TNFRSF21: variants seen among roughly 807,000 people sequenced by gnomAD.
TNFRSF21 encodes the protein TNF receptor superfamily member 21.
In TNFRSF21, 19 loss-of-function variants were observed where a neutral mutation model predicts 45.6. That is an observed-to-expected ratio of 0.42 (90% CI 0.29 to 0.61). The LOEUF (loss-of-function observed/expected upper bound fraction) is 0.61. Ranked by LOEUF, TNFRSF21 falls within the 20% of genes least tolerant of loss-of-function variation. TNFRSF21 has a pLI of 0.23. For synonymous variants in TNFRSF21, 314 were observed against 335.5 expected (o/e 0.94, Z 0.70); for missense variants, 737 against 851.5 (o/e 0.87, Z 1.67).
At chr6:47,286,971 C>T (rs1271084320) in intron 1 of TNFRSF21, among the ~76,000 whole-genome samples, 2 of 152,134 alleles carry the variant, frequency 1.3e-5, no homozygotes, top group Non-Finnish European at 2.9e-5. Flanking sequence ...TGGCTGGGCG[C>T]ACTGGCTCAC....
At chr6:47,271,239 A>G (rs532762010) in intron 3 of TNFRSF21, among the ~76,000 whole-genome samples, 200 of 152,334 alleles carry the variant, frequency 1.3e-3, no homozygotes, top group African/African-American at 4.6e-3. Context: ...GAAATAAAGG[A>G]AAAAGTGTTA....
intron 4 of TNFRSF21, among the ~76,000 whole-genome samples, chr6:47,235,494 A>C (rs1172835917): frequency 6.6e-6 from 1 of 152,234 alleles, no homozygotes. Flanking sequence ...AGACCTCAGA[A>C]GACACCTTGG....
rs1190093171 is a variant in TNFRSF21, at chr6:47,284,409, A to G, written c.772T>C (p.Ser258Pro). 1 of 1,521,234 alleles carries G rather than the reference A, an allele frequency of 6.6e-7. No individual in the cohort carries two copies. The highest frequency in any genetic ancestry group is 8.8e-7 in the Non-Finnish European group (1 of 1,136,700). The allele number at this position is 1,521,234 out of a possible 1,614,324, so 94.2% of individuals were successfully genotyped here. A position where few individuals can be genotyped will look rare whatever the true frequency, so the allele number is the denominator to read the frequency against. Residue 258 changes from serine (S) to proline (P), a missense_variant, in exon 3 of 6, where the codon TCT becomes CCT. Ser to Pro is a moderately conservative substitution (Grantham distance 74, BLOSUM62 -1). Transcript: ENST00000296861. ...ACCTTTGGTCTAACAGAGGCAGAAG[A>G]GTTGGATTCTGTTGAGTTCATGCCT... ...PKGMNSTESNSSASVRPKVLS... is the reference protein window; with the variant it reads ...PKGMNSTESNPSASVRPKVLS...
At chr6:47,257,232 A>G (rs1033015132) in intron 3 of TNFRSF21, among the ~76,000 whole-genome samples, 1 of 152,208 alleles carries the variant, frequency 6.6e-6, no homozygotes, top group Non-Finnish European at 1.5e-5. Context: ...AAAAAAAGAA[A>G]AAAAAACCCA....
At chr6:47,287,840 T>C (rs559577336) in intron 1 of TNFRSF21, among the ~76,000 whole-genome samples, 4 of 152,324 alleles carry the variant, frequency 2.6e-5, no homozygotes, top group African/African-American at 9.6e-5. Context: ...ATTAAAACCA[T>C]ATTGAAATAG....
At chr6:47,285,864 T>G in intron 2 of TNFRSF21, 80 bp downstream of exon 2, 1 of 1,459,214 alleles carries the variant, frequency 6.9e-7, no homozygotes, top group South Asian at 1.3e-5. Context: ...GGAGAAAACA[T>G]CTTTGGTATA....
At chr6:47,308,761 G>A (rs1195383640) in intron 1 of TNFRSF21, among the ~76,000 whole-genome samples, 2 of 152,216 alleles carry the variant, frequency 1.3e-5, no homozygotes, top group Non-Finnish European at 2.9e-5. Context: ...TGGAGGCGCC[G>A]GAGAGTGGGT....
At chr6:47,282,751 G>GT (rs1277375663) in intron 3 of TNFRSF21, among the ~76,000 whole-genome samples, 4 of 152,106 alleles carry the variant, frequency 2.6e-5, no homozygotes, top group Admixed American at 1.3e-4. Flanking sequence ...TTTGGTGTTT[G>GT]TTTTTTTCCT....
intron 1 of TNFRSF21, among the ~76,000 whole-genome samples, chr6:47,298,605 T>C (rs1314521624): frequency 1.3e-5 from 2 of 152,238 alleles, no homozygotes; most frequent in Non-Finnish European, 2.9e-5. Context: ...AACAATTATA[T>C]GACAATCAAA....
chr6:47,276,500 GAGA>G (rs779894371), intron 3 of TNFRSF21, among the ~76,000 whole-genome samples: 1 of 152,250 alleles, frequency 6.6e-6, no homozygotes, highest in Non-Finnish European at 1.5e-5. Flanking sequence ...GAAGGTGAAA[GAGA>G]AGAAGCTGCT....
intron 1 of TNFRSF21, among the ~76,000 whole-genome samples, chr6:47,290,940 G>A (rs1418689897): frequency 6.6e-6 from 1 of 151,778 alleles, no homozygotes; most frequent in Non-Finnish European, 1.5e-5. Context: ...AGGCTGGGAT[G>A]AACAAAAAAA....
At chr6:47,247,578 T>C (rs1001126217) in intron 4 of TNFRSF21, among the ~76,000 whole-genome samples, 1 of 152,200 alleles carries the variant, frequency 6.6e-6, no homozygotes, top group Admixed American at 6.5e-5. Flanking sequence ...GACCCGTAGA[T>C]AAGGACAGCT....
intron 2 of TNFRSF21, among the ~76,000 whole-genome samples, 158 bp from the exon 3 acceptor site, chr6:47,284,590 C>T (rs1762620787): frequency 6.6e-6 from 1 of 152,146 alleles, no homozygotes; most frequent in Admixed American, 6.5e-5. Flanking sequence ...TTCATAAAGA[C>T]CCTAATGGCA....
At chr6:47,237,836 G>A (rs535296347) in intron 4 of TNFRSF21, among the ~76,000 whole-genome samples, 1 of 152,200 alleles carries the variant, frequency 6.6e-6, no homozygotes, top group South Asian at 2.1e-4. Context: ...GGTCACTTGA[G>A]GTCAGGAGTT....
At chr6:47,278,728 GA>G (rs981548883) in intron 3 of TNFRSF21, among the ~76,000 whole-genome samples, 4 of 152,300 alleles carry the variant, frequency 2.6e-5, no homozygotes, top group African/African-American at 9.6e-5. Flanking sequence ...TTGCATCTTA[GA>G]ATCCAGTTCT....
At chr6:47,288,757 A>C (rs1762682749) in intron 1 of TNFRSF21, among the ~76,000 whole-genome samples, 1 of 152,146 alleles carries the variant, frequency 6.6e-6, no homozygotes, top group Non-Finnish European at 1.5e-5. Context: ...TCATGGCCTG[A>C]TTTTTTCAGA....
At chr6:47,275,198 A>G (rs1310060328) in intron 3 of TNFRSF21, among the ~76,000 whole-genome samples, 2 of 152,196 alleles carry the variant, frequency 1.3e-5, no homozygotes, top group Non-Finnish European at 2.9e-5. Flanking sequence ...ATAAAGATAC[A>G]TGCACACATA....
intron 3 of TNFRSF21, among the ~76,000 whole-genome samples, chr6:47,280,953 T>A (rs184130024): frequency 1.6e-3 from 245 of 152,316 alleles, no homozygotes; most frequent in Non-Finnish European, 3.0e-3. Context: ...ATCAGGATGT[T>A]CACATGGTTT....
intron 3 of TNFRSF21, among the ~76,000 whole-genome samples, chr6:47,266,833 G>A (rs535660265): frequency 1.3e-5 from 2 of 152,250 alleles, no homozygotes; most frequent in Admixed American, 1.3e-4. Flanking sequence ...GTAAAATCAG[G>A]CCCACAGGGT....
Sources: gnomAD v4.1 joint callset for allele counts (sites outside exome capture counted in the v4.1 genomes callset) on GRCh38, gnomAD v4.1.1 for gene constraint, MANE v1.5 for transcripts, NCBI Gene and HGNC (gene_info 2026-07-23, HGNC 2026-07-21) for gene names.